The following SMYD4 variants were observed in gnomAD, a reference collection of about 807,000 sequenced individuals.
The protein encoded by SMYD4 is protein-lysine N-methyltransferase SMYD4.
SMYD4 carries 68 observed loss-of-function variants against 72.8 expected under a neutral mutation model. That is an observed-to-expected ratio of 0.93 (90% CI 0.77 to 1.14). SMYD4 has a LOEUF of 1.14. Ranked by LOEUF, SMYD4 falls within the 50% of genes most tolerant of loss-of-function variation. SMYD4 has a pLI of 0.00. For missense variants in SMYD4, 984 were observed against 1,003.7 expected (o/e 0.98, Z 0.27); for synonymous variants, 407 against 388.6 (o/e 1.05, Z -0.56).
intron 4 of SMYD4, chr17:1,804,345 C>A (rs1167403288): frequency 6.6e-6 from 2 of 304,954 alleles, no homozygotes; most frequent in Admixed American, 8.2e-5. Context: ...TAATTTTTAT[C>A]CCTGTATTTT....
chr17:1,803,645 G>A (rs8077868), intron 4 of SMYD4, among the ~76,000 whole-genome samples: 19,823 of 151,898 alleles, frequency 0.13, 1,617 homozygotes, highest in African/African-American at 0.23. Context: ...GATTACAGGC[G>A]CCCACCACCC....
chr17:1,787,117 TA>T, intron 6 of SMYD4, 144 bp from the exon 7 acceptor site: 1 of 1,124,126 alleles, frequency 8.9e-7, no homozygotes, highest in African/African-American at 1.6e-5. Flanking sequence ...AACTGGATAC[TA>T]AAATAAGCTT....
intron 4 of SMYD4, among the ~76,000 whole-genome samples, chr17:1,803,209 A>C (rs1909864620): frequency 1.3e-5 from 2 of 152,184 alleles, no homozygotes; most frequent in Non-Finnish European, 2.9e-5. Flanking sequence ...CTGTTGCAAC[A>C]ATTAGGGGAT....
chr17:1,794,081 GTATATATATATATATA>G (rs1226883815), intron 5 of SMYD4, among the ~76,000 whole-genome samples: 11 of 17,106 alleles, frequency 6.4e-4, no homozygotes, highest in Non-Finnish European at 8.8e-4. Context: ...ATATATATGT[GTATATATATATATATA>G]TATATATATT....
intron 8 of SMYD4, chr17:1,783,750 G>T: frequency 4.0e-6 from 2 of 499,086 alleles, no homozygotes; most frequent in South Asian, 5.4e-5. Context: ...TACCTTTCAC[G>T]TACGGCCATG....
At chr17:1,784,839 G>A (rs1475406637) in intron 7 of SMYD4, among the ~76,000 whole-genome samples, 5 of 151,794 alleles carry the variant, frequency 3.3e-5, no homozygotes, top group African/African-American at 7.3e-5. Context: ...GTGCGATCTC[G>A]GCTCACTCCA....
chr17:1,787,906 G>A (rs1200492568), intron 5 of SMYD4, among the ~76,000 whole-genome samples: 2 of 152,206 alleles, frequency 1.3e-5, no homozygotes, highest in Admixed American at 6.5e-5. Context: ...GGGATGATAA[G>A]TAGGGAGCGT....
At chr17:1,825,291 A>G (rs1034119672) in intron 2 of SMYD4, among the ~76,000 whole-genome samples, 1 of 152,210 alleles carries the variant, frequency 6.6e-6, no homozygotes, top group Admixed American at 6.5e-5. Context: ...AGATGTATAC[A>G]TACATCATAA....
intron 5 of SMYD4, among the ~76,000 whole-genome samples, chr17:1,792,103 C>T (rs1159228119): frequency 2.0e-5 from 3 of 151,246 alleles, no homozygotes; most frequent in Non-Finnish European, 2.9e-5. Context: ...AGTGCAGGGG[C>T]GCGATCGCGG....
chr17:1,787,626 A>T (rs754314599), intron 5 of SMYD4, 22 bp from the exon 6 acceptor site: 1 of 1,555,012 alleles, frequency 6.4e-7, no homozygotes, highest in South Asian at 1.2e-5. Flanking sequence ...AGAGGAAAGA[A>T]GGAAAAAGGT....
chr17:1,806,564 A>G (rs1354680158), intron 3 of SMYD4, among the ~76,000 whole-genome samples: 1 of 152,238 alleles, frequency 6.6e-6, no homozygotes, highest in Non-Finnish European at 1.5e-5. Context: ...AAAAATGCTC[A>G]GCCTCATACA....
chr17:1,795,857 T>A (rs1416320983), intron 5 of SMYD4, among the ~76,000 whole-genome samples: 2 of 151,884 alleles, frequency 1.3e-5, no homozygotes, highest in African/African-American at 4.8e-5. Flanking sequence ...GTGTTTTTAA[T>A]GTTAAAAAAT....
rs771081082 is a variant in SMYD4, at chr17:1,781,343, C to A, written c.2358G>T (p.Gln786His). 6.2e-7 allele frequency: 1 copy of A among 1,614,076 alleles called. No individual in the cohort carries two copies. The highest frequency in any genetic ancestry group is 8.5e-7 in the Non-Finnish European group (1 of 1,180,038). Residue 786 changes from glutamine to histidine, a missense_variant, in exon 11 of 11, where the codon CAG becomes CAT. By Grantham distance (24) the Gln-to-His change is conservative (BLOSUM62 0). Transcript: ENST00000305513. ...GPWDDEIQEL[Q>H]KMKSCLLDLP... ...AGTCCAACAAACAGGATTTCATCTT[C>A]TGGAGCTCCTGGATTTCATCGTCCC...
intron 5 of SMYD4, among the ~76,000 whole-genome samples, chr17:1,796,797 G>A (rs1270986184): frequency 6.6e-6 from 1 of 152,082 alleles, no homozygotes; most frequent in African/African-American, 2.4e-5. Context: ...CTATTTAATT[G>A]GGAAGCCCCA....
At chr17:1,810,887 A>T (rs1220450086) in intron 3 of SMYD4, among the ~76,000 whole-genome samples, 1 of 152,218 alleles carries the variant, frequency 6.6e-6, no homozygotes, top group African/African-American at 2.4e-5. Flanking sequence ...TGGGCCTCTG[A>T]GTGGCCTGAC....
At chr17:1,805,970 C>G (rs1217860477) in intron 3 of SMYD4, among the ~76,000 whole-genome samples, 1 of 149,154 alleles carries the variant, frequency 6.7e-6, no homozygotes, top group African/African-American at 2.5e-5. Context: ...GTCGCCCAGG[C>G]TGGAGTGCAG....
At chr17:1,816,746 C>T (rs1597394435) in intron 2 of SMYD4, among the ~76,000 whole-genome samples, 1 of 151,930 alleles carries the variant, frequency 6.6e-6, no homozygotes, top group East Asian at 2.0e-4. Flanking sequence ...AATGATCGCA[C>T]ACTATGGCCT....
In SMYD4 at chr17:1,784,342, G is replaced by C; in HGVS notation, c.2004C>G (p.Leu668=). The change falls in exon 8 of 11, where the codon CTC becomes CTG. Residue 668 remains leucine (L), a synonymous_variant. Transcript: ENST00000305513. ...QQQVRVAQKL[L]RDGELERAVQ... is the part of the protein sequence containing the mutation. ...CAGTCTCACCTAGTTCACCATCTCT[G>C]AGAAGCTTCTGGGCCACTCTGACCT... is the stretch of plus-strand genomic sequence containing the variant. 6.2e-7 allele frequency: 1 copy of C among 1,614,212 alleles called. No homozygotes were observed. Among genetic ancestry groups the C allele is most frequent in the Non-Finnish European group, 8.5e-7 (1 of 1,180,040 alleles).
intron 5 of SMYD4, among the ~76,000 whole-genome samples, chr17:1,795,739 GC>G (rs1909368474): frequency 9.1e-6 from 1 of 109,798 alleles, no homozygotes; most frequent in African/African-American, 4.4e-5. Context: ...ACTGTGCCTG[GC>G]CCGTGAGTTT....
Sources: gnomAD v4.1 joint callset for allele counts (sites outside exome capture counted in the v4.1 genomes callset) on GRCh38, gnomAD v4.1.1 for gene constraint, MANE v1.5 for transcripts, NCBI Gene and HGNC (gene_info 2026-07-23, HGNC 2026-07-21) for gene names.